Variants in SLC25A26 observed in about 807,000 individuals in gnomAD.
SLC25A26 encodes the protein solute carrier family 25 member 26, also known as mitochondrial S-adenosylmethionine carrier protein.
SLC25A26 carries 36 observed loss-of-function variants against 37.8 expected under a neutral mutation model. The observed-to-expected ratio is 0.95, with a 90% confidence interval of 0.73 to 1.26. The LOEUF is 1.26. SLC25A26 is among the 50% of genes most tolerant of loss of function. SLC25A26 has a pLI of 0.00. For missense variants in SLC25A26, 390 were observed against 331.1 expected (o/e 1.18, Z -1.38); for synonymous variants, 129 against 122.5 (o/e 1.05, Z -0.35).
chr3:66,246,489 A>T (rs527628523), intron 3 of SLC25A26, among the ~76,000 whole-genome samples: 1 of 152,310 alleles, frequency 6.6e-6, no homozygotes, highest in African/African-American at 2.4e-5. Context: ...AGTATCTGTA[A>T]CTAATATTTT....
intron 5 of SLC25A26, among the ~76,000 whole-genome samples, chr3:66,338,124 C>A (rs1178697922): frequency 1.3e-5 from 2 of 151,898 alleles, no homozygotes; most frequent in Non-Finnish European, 2.9e-5. Flanking sequence ...TTTGTTTCTT[C>A]TTTTGCTCAG....
intron 1 of SLC25A26, among the ~76,000 whole-genome samples, chr3:66,161,318 G>A (rs36140921): frequency 0.38 from 57,799 of 152,028 alleles, 11,181 homozygotes; most frequent in Non-Finnish European, 0.42. Context: ...GCCAAGGTTA[G>A]ATATCTGAAA....
chr3:66,229,028 G>A (rs575439920), intron 1 of SLC25A26, among the ~76,000 whole-genome samples: 83 of 152,246 alleles, frequency 5.5e-4, no homozygotes, highest in Non-Finnish European at 1.1e-3. Context: ...GTTGAATATA[G>A]GAATGTCATC....
At chr3:66,211,425 G>A (rs1021661645) in intron 1 of SLC25A26, among the ~76,000 whole-genome samples, 4 of 152,120 alleles carry the variant, frequency 2.6e-5, no homozygotes, top group South Asian at 2.1e-4. Context: ...TGAGGGAGCC[G>A]GTGAATGGAA....
intron 5 of SLC25A26, among the ~76,000 whole-genome samples, chr3:66,317,309 ATGT>A (rs745894375): frequency 3.3e-5 from 5 of 151,798 alleles, no homozygotes; most frequent in African/African-American, 7.3e-5. Flanking sequence ...TTTGTTGATG[ATGT>A]TGTTGTTGTT....
At chr3:66,137,862 G>A (rs2106659059) in intron 1 of SLC25A26, among the ~76,000 whole-genome samples, 1 of 151,958 alleles carries the variant, frequency 6.6e-6, no homozygotes, top group African/African-American at 2.4e-5. Context: ...TTGAGACAGT[G>A]TCGCTCTGTC....
chr3:66,245,259 A>G (rs566642998), intron 3 of SLC25A26, among the ~76,000 whole-genome samples: 2 of 151,694 alleles, frequency 1.3e-5, no homozygotes, highest in Non-Finnish European at 2.9e-5. Context: ...TTAAAAAAAA[A>G]AAAAAAAACA....
At chr3:66,293,371 CT>C (rs971431719) in intron 5 of SLC25A26, among the ~76,000 whole-genome samples, 2 of 150,686 alleles carry the variant, frequency 1.3e-5, no homozygotes, top group African/African-American at 2.4e-5. Flanking sequence ...TTTGTTAATT[CT>C]TTTTTTTTAA....
At chr3:66,172,671 G>A (rs2070518849) in intron 1 of SLC25A26, among the ~76,000 whole-genome samples, 1 of 152,152 alleles carries the variant, frequency 6.6e-6, no homozygotes, top group Admixed American at 6.5e-5. Flanking sequence ...TTCTTTTGAA[G>A]CTGTGAGGGA....
intron 5 of SLC25A26, among the ~76,000 whole-genome samples, chr3:66,299,448 C>T (rs1013973001): frequency 6.6e-6 from 1 of 152,036 alleles, no homozygotes; most frequent in East Asian, 1.9e-4. Context: ...CCTCAGCCTC[C>T]GAAAATGCTG....
At chr3:66,169,300 A>G (rs931677120) in intron 1 of SLC25A26, among the ~76,000 whole-genome samples, 2 of 152,208 alleles carry the variant, frequency 1.3e-5, no homozygotes, top group African/African-American at 4.8e-5. Context: ...GATTTACTGA[A>G]GCCTTAAATT....
At chr3:66,273,559 A>G (rs1261446643) in intron 5 of SLC25A26, among the ~76,000 whole-genome samples, 3 of 152,204 alleles carry the variant, frequency 2.0e-5, no homozygotes, top group Admixed American at 2.0e-4. Flanking sequence ...GCAAAGTCTC[A>G]GGATACAAAA....
rs2071150607 is a variant in SLC25A26, at chr3:66,204,441, A to AAAAAAAAAG, written c.-353-16295_-353-16294insAAGAAAAAA. Among the ~76,000 whole-genome samples, 46 of 89,362 alleles carry AAAAAAAAAG rather than the reference A, an allele frequency of 5.1e-4. 1 individual carries two copies. Among genetic ancestry groups the AAAAAAAAAG allele is most frequent in the Non-Finnish European group, 6.5e-4 (33 of 50,750 alleles). The allele number at this position is 89,362 out of a possible 152,430, so 58.6% of individuals were successfully genotyped here. A position where few individuals can be genotyped will look rare whatever the true frequency, so the allele number is the denominator to read the frequency against. ...ACTCCGTCTCAAAAAAAAAAAAAAG[A>AAAAAAAAAG]AAAAAAGAAAAAAGAAAGAAAAAGA... On this transcript the variant is annotated intron_variant, in intron 1 of 10. Transcript: ENST00000676754.
At chr3:66,335,374 A>G (rs1034581627) in intron 5 of SLC25A26, among the ~76,000 whole-genome samples, 1 of 152,222 alleles carries the variant, frequency 6.6e-6, no homozygotes, top group African/African-American at 2.4e-5. Flanking sequence ...CTGTTGGATT[A>G]ACTGACGAAT....
intron 5 of SLC25A26, among the ~76,000 whole-genome samples, chr3:66,343,883 C>T (rs1385759345): frequency 2.0e-5 from 3 of 152,090 alleles, no homozygotes; most frequent in Non-Finnish European, 2.9e-5. Flanking sequence ...AAATATAATG[C>T]TTGAGTTTCA....
intron 5 of SLC25A26, among the ~76,000 whole-genome samples, chr3:66,305,564 G>A (rs2075194842): frequency 6.6e-6 from 1 of 152,064 alleles, no homozygotes; most frequent in East Asian, 1.9e-4. Context: ...CATCACCTTG[G>A]TATTAAGCCC....
At chr3:66,159,354 C>T (rs1227083413) in intron 1 of SLC25A26, among the ~76,000 whole-genome samples, 1 of 152,176 alleles carries the variant, frequency 6.6e-6, no homozygotes, top group African/African-American at 2.4e-5. Context: ...CCTATTAAAT[C>T]CTCATTTTCC....
intron 1 of SLC25A26, among the ~76,000 whole-genome samples, chr3:66,214,228 TTCTACC>T (rs1227148648): frequency 6.6e-6 from 1 of 152,088 alleles, no homozygotes; most frequent in African/African-American, 2.4e-5. Context: ...GCAGCTATCT[TTCTACC>T]TCTCTCACCA....
intron 2 of SLC25A26, among the ~76,000 whole-genome samples, chr3:66,240,797 G>A (rs2072543074): frequency 6.8e-6 from 1 of 146,050 alleles, no homozygotes; most frequent in Non-Finnish European, 1.5e-5. Context: ...CCAGGCTGGA[G>A]TGCAGTGGTG....
Sources: gnomAD v4.1 joint callset for allele counts (sites outside exome capture counted in the v4.1 genomes callset) on GRCh38, gnomAD v4.1.1 for gene constraint, MANE v1.5 for transcripts, NCBI Gene and HGNC (gene_info 2026-07-23, HGNC 2026-07-21) for gene names.